LANCL2: variants seen among roughly 807,000 people sequenced by gnomAD.
LANCL2 encodes the protein LanC like glutathione S-transferase 2.
A neutral mutation model predicts 56.9 loss-of-function variants in LANCL2; 33 were observed. The observed-to-expected ratio is 0.58, with a 90% confidence interval of 0.44 to 0.78. The LOEUF is 0.78. Ranked by LOEUF, LANCL2 falls within the 30% of genes least tolerant of loss-of-function variation. The pLI, the probability that LANCL2 is intolerant of heterozygous loss-of-function variation, is 0.00. For missense variants in LANCL2, 562 were observed against 580.2 expected (o/e 0.97, Z 0.32); for synonymous variants, 233 against 228.2 (o/e 1.02, Z -0.19).
chr7:55,393,961 A>T (rs1461008313), intron 2 of LANCL2: 2 of 152,176 alleles, frequency 1.3e-5, no homozygotes, highest in African/African-American at 4.8e-5. Context: ...CAAGCCTTTT[A>T]TTTACAGCTT....
rs144515489 is a variant in LANCL2 at position 55,375,128 on chromosome 7, T to C, written c.204+8899T>C. On this transcript the variant is annotated intron_variant, in intron 1 of 8. Coordinates refer to ENST00000254770, the MANE Select transcript of LANCL2 (RefSeq NM_018697.4). ...TTTTCTTCTTAGGAGCTATTTATTA[T>C]GTGCATGTTGAACACTTGTTTTTAG... Among the ~76,000 whole-genome samples, 43 of 152,364 alleles carry C rather than the reference T, an allele frequency of 2.8e-4. No homozygotes were observed. The East Asian group carries it at 7.9e-3, about 28-fold the overall frequency.
At chr7:55,395,025 C>T (rs542831973) in intron 2 of LANCL2, among the ~76,000 whole-genome samples, 35 of 152,176 alleles carry the variant, frequency 2.3e-4, no homozygotes, top group African/African-American at 8.2e-4. Flanking sequence ...ACTCCTGATA[C>T]AAGGAAGGGT....
At chr7:55,421,585 C>T (rs560523955) in intron 6 of LANCL2, among the ~76,000 whole-genome samples, 13 of 152,216 alleles carry the variant, frequency 8.5e-5, no homozygotes, top group South Asian at 2.1e-4. Context: ...TCAGGTAATC[C>T]GCCAGCCTCG....
chr7:55,402,595 C>CT (rs1554382723), intron 5 of LANCL2, among the ~76,000 whole-genome samples: 4 of 101,462 alleles, frequency 3.9e-5, no homozygotes, highest in Non-Finnish European at 8.2e-5. Context: ...GCTGGCCAGG[C>CT]GGGGGATGAC....
chr7:55,416,979 T>TGG (rs1562868525), intron 6 of LANCL2, among the ~76,000 whole-genome samples: 3 of 129,732 alleles, frequency 2.3e-5, no homozygotes, highest in Non-Finnish European at 4.8e-5. Flanking sequence ...GTTTTTTTTT[T>TGG]TTTTTTTTTT....
chr7:55,379,033 AG>A (rs1001753139), intron 1 of LANCL2, among the ~76,000 whole-genome samples: 65 of 152,252 alleles, frequency 4.3e-4, no homozygotes, highest in African/African-American at 1.4e-3. Flanking sequence ...CGGGAAGCTG[AG>A]GCAGGAGAAT....
At chr7:55,389,113 C>T (rs560362759) in intron 1 of LANCL2, among the ~76,000 whole-genome samples, 3 of 152,156 alleles carry the variant, frequency 2.0e-5, no homozygotes, top group East Asian at 3.8e-4. Flanking sequence ...ACTAAGGAAG[C>T]GAATTTGATG....
intron 1 of LANCL2, among the ~76,000 whole-genome samples, chr7:55,386,773 T>C (rs1436952567): frequency 1.3e-5 from 2 of 152,232 alleles, no homozygotes; most frequent in Non-Finnish European, 2.9e-5. Flanking sequence ...TGCTTCCTGC[T>C]GACTAGGTCA....
chr7:55,405,356 C>T (rs1337943280), intron 5 of LANCL2, among the ~76,000 whole-genome samples: 1 of 152,192 alleles, frequency 6.6e-6, no homozygotes, highest in Non-Finnish European at 1.5e-5. Context: ...GAGTCCACAC[C>T]GTTCAATGCT....
rs1381634677 is a variant in LANCL2, at chr7:55,365,376, T to C, written c.-650T>C. 3 of 152,238 alleles carry C rather than the reference T, an allele frequency of 2.0e-5. No homozygotes were observed. Among genetic ancestry groups the C allele is most frequent in the African/African-American group, 4.8e-5 (2 of 41,464 alleles). 9.4% of individuals were successfully genotyped at this position (152,238 alleles called of 1,614,324 possible). A position where few individuals can be genotyped will look rare whatever the true frequency, so the allele number is the denominator to read the frequency against. ...AGCCTTGCAGTGTTTTAGACTGTTT[T>C]GAAATTCTGTTCTTTAGAAGAGATT... On this transcript the variant is annotated 5_prime_UTR_variant, in exon 1 of 9. Coordinates refer to ENST00000254770, the MANE Select transcript of LANCL2 (RefSeq NM_018697.4).
At position 55,376,537 on chromosome 7, in the gene LANCL2, C is replaced by T. The variant is rs1790005131; in HGVS notation, c.204+10308C>T. Among the ~76,000 whole-genome samples the T allele has an allele frequency of 4.6e-5, 7 of 152,194 alleles. No homozygotes were observed. The South Asian group carries it at 1.2e-3, about 27-fold the overall frequency. ...CCCCTGACGGGCTCACAGTGGTCAT[C>T]GATGCCTTTCCATCCCCTCTCCACC... On this transcript the variant is annotated intron_variant, in intron 1 of 8. Coordinates refer to ENST00000254770, the MANE Select transcript of LANCL2 (RefSeq NM_018697.4).
intron 1 of LANCL2, among the ~76,000 whole-genome samples, chr7:55,383,737 T>G (rs1253410652): frequency 6.6e-6 from 1 of 152,176 alleles, no homozygotes; most frequent in East Asian, 1.9e-4. Context: ...CTGGGGAAGC[T>G]GAGGCAGGAG....
chr7:55,427,710 A>G (rs1583768519), intron 7 of LANCL2, among the ~76,000 whole-genome samples: 1 of 152,204 alleles, frequency 6.6e-6, no homozygotes. Flanking sequence ...GATACTCCTC[A>G]TGTTTATTAC....
intron 6 of LANCL2, among the ~76,000 whole-genome samples, chr7:55,414,982 T>TC (rs1790509838): frequency 4.6e-5 from 1 of 21,906 alleles, no homozygotes; most frequent in Non-Finnish European, 1.1e-4. Context: ...AGACCCTACC[T>TC]CAAAAAAAAA....
At chr7:55,409,739 C>T (rs1310847873) in intron 5 of LANCL2, among the ~76,000 whole-genome samples, 1 of 152,090 alleles carries the variant, frequency 6.6e-6, no homozygotes, top group African/African-American at 2.4e-5. Context: ...GTAGATTTGA[C>T]CATGTGGAAA....
chr7:55,389,593 T>G (rs1268367626), intron 1 of LANCL2, among the ~76,000 whole-genome samples: 3 of 151,880 alleles, frequency 2.0e-5, no homozygotes, highest in Non-Finnish European at 4.4e-5. Flanking sequence ...GTCCAGAGTG[T>G]AGCAAAAGGT....
chr7:55,396,142 T>C (rs563183028), intron 2 of LANCL2, among the ~76,000 whole-genome samples: 11 of 152,198 alleles, frequency 7.2e-5, no homozygotes, highest in Admixed American at 2.0e-4. Context: ...AAATATGAAT[T>C]GTGGGGGCTC....
chr7:55,418,143 AT>A (rs1790565896), intron 6 of LANCL2, among the ~76,000 whole-genome samples: 1 of 148,910 alleles, frequency 6.7e-6, no homozygotes, highest in South Asian at 2.1e-4. Context: ...ATTTATTTAC[AT>A]TTTCCAATTA....
At chr7:55,367,248 C>T (rs1242808909) in intron 1 of LANCL2, among the ~76,000 whole-genome samples, 1 of 152,192 alleles carries the variant, frequency 6.6e-6, no homozygotes, top group African/African-American at 2.4e-5. Flanking sequence ...TAAAACCGTA[C>T]CTTTACCAGG....
Sources: gnomAD v4.1 joint callset for allele counts (sites outside exome capture counted in the v4.1 genomes callset) on GRCh38, gnomAD v4.1.1 for gene constraint, MANE v1.5 for transcripts, NCBI Gene and HGNC (gene_info 2026-07-23, HGNC 2026-07-21) for gene names.